KCTD1: variants seen among roughly 807,000 people sequenced by gnomAD.
KCTD1 encodes BTB/POZ domain-containing protein KCTD1.
A neutral mutation model predicts 66.0 loss-of-function variants in KCTD1; 24 were observed. The ratio of observed to expected loss-of-function variants is 0.36; its 90% CI spans 0.26 to 0.51. The LOEUF is 0.51. KCTD1 is among the 20% of genes least tolerant of loss of function. The pLI is 0.95. For synonymous variants in KCTD1, 511 were observed against 517.2 expected, an observed-to-expected ratio of 0.99 and a Z score of 0.16; for missense variants, 943 against 1,205.2, an observed-to-expected ratio of 0.78 and a Z score of 3.22.
chr18:26,642,463 A>T (rs976475104), upstream of KCTD1, among the ~76,000 whole-genome samples: 1 of 152,234 alleles, frequency 6.6e-6, no homozygotes, highest in African/African-American at 2.4e-5. Flanking sequence ...CCTGAGAAAG[A>T]ATAAACCAGC....
At chr18:26,598,757 C>T (rs939929304) in intron 1 of KCTD1, among the ~76,000 whole-genome samples, 4 of 152,134 alleles carry the variant, frequency 2.6e-5, no homozygotes, top group Non-Finnish European at 5.9e-5. Flanking sequence ...TAAGATTGAG[C>T]ATCTTTTTAT....
At chr18:26,513,221 G>A (rs908276268) in intron 1 of KCTD1, among the ~76,000 whole-genome samples, 87 of 151,728 alleles carry the variant, frequency 5.7e-4, no homozygotes, top group Non-Finnish European at 7.1e-4. Context: ...CCGAGTAGCT[G>A]GGACTACAGG....
At chr18:26,464,449 A>C (rs1014472367) in intron 3 of KCTD1, among the ~76,000 whole-genome samples, 8 of 152,254 alleles carry the variant, frequency 5.3e-5, no homozygotes, top group African/African-American at 1.9e-4. Context: ...ACTTAATCAC[A>C]TCTGCAAAGT....
At chr18:26,618,774 C>G (rs983712354) in intron 1 of KCTD1, among the ~76,000 whole-genome samples, 4 of 152,086 alleles carry the variant, frequency 2.6e-5, no homozygotes, top group African/African-American at 9.7e-5. Flanking sequence ...AACTATTTTC[C>G]AAATCAGGGT....
intron 1 of KCTD1, among the ~76,000 whole-genome samples, chr18:26,538,685 T>C (rs1984827034): frequency 6.6e-6 from 1 of 152,186 alleles, no homozygotes; most frequent in East Asian, 1.9e-4. Flanking sequence ...ATAGTGCTCA[T>C]ATTTGAAGCA....
chr18:26,656,471 G>A (rs994170367), intron 1 of KCTD1, among the ~76,000 whole-genome samples: 1 of 152,012 alleles, frequency 6.6e-6, no homozygotes, highest in African/African-American at 2.4e-5. Flanking sequence ...GGCTGGAGAT[G>A]GGAGGGAGTG....
chr18:26,520,475 G>C (rs1983858618), intron 1 of KCTD1, among the ~76,000 whole-genome samples: 1 of 151,668 alleles, frequency 6.6e-6, no homozygotes, highest in South Asian at 2.1e-4. Flanking sequence ...TGCCACTTAA[G>C]CTGAAATTAC....
At chr18:26,587,983 AAGC>A (rs1166392345) in intron 1 of KCTD1, among the ~76,000 whole-genome samples, 1 of 152,260 alleles carries the variant, frequency 6.6e-6, no homozygotes, top group Non-Finnish European at 1.5e-5. Context: ...TTTAGTGACA[AAGC>A]AGCAGCAGGG....
At chr18:26,600,168 A>G (rs1465195730) in intron 1 of KCTD1, 3 of 1,605,262 alleles carry the variant, frequency 1.9e-6, no homozygotes, top group Non-Finnish European at 2.6e-6. Context: ...GCCTTGCCAA[A>G]GAACTGGAAA....
chr18:26,522,848 A>T (rs1983978120), intron 1 of KCTD1, among the ~76,000 whole-genome samples: 1 of 152,176 alleles, frequency 6.6e-6, no homozygotes. Context: ...TGATATAGAA[A>T]CTGAGGCTTA....
intron 1 of KCTD1, among the ~76,000 whole-genome samples, chr18:26,604,239 A>G (rs1172934874): frequency 6.6e-6 from 1 of 152,218 alleles, no homozygotes; most frequent in African/African-American, 2.4e-5. Context: ...CAGAATGGCT[A>G]TTATTAAAAA....
intron 3 of KCTD1, among the ~76,000 whole-genome samples, chr18:26,467,131 AGTTT>A (rs72065655): frequency 0.029 from 4,407 of 149,608 alleles, 206 homozygotes; most frequent in African/African-American, 0.1. Context: ...CATACGGTAT[AGTTT>A]GTTTTTTTTT....
intron 1 of KCTD1, chr18:26,599,556 T>C (rs1986842322): frequency 4.0e-6 from 6 of 1,511,228 alleles, no homozygotes; most frequent in Middle Eastern, 1.7e-4. Flanking sequence ...AACCAGCTGT[T>C]GCAGTCTGCC....
At chr18:26,527,384 T>C (rs1385879872) in intron 1 of KCTD1, among the ~76,000 whole-genome samples, 3 of 149,978 alleles carry the variant, frequency 2.0e-5, no homozygotes, top group Non-Finnish European at 4.4e-5. Flanking sequence ...TTTTGTGTAC[T>C]CAAACCAAAA....
chr18:26,638,208 C>T lies in KCTD1; in HGVS notation c.-107+2103G>A, dbSNP rs556513290. ...TCTTTCATTTATCCAGAAACTCCCA[C>T]GCTTCACAGTTCAATGTCAAATCAG... On this transcript the variant is annotated intron_variant, in intron 1 of 5. Transcript: ENST00000579973. Among the ~76,000 whole-genome samples the T allele has an allele frequency of 3.5e-4, 54 of 152,326 alleles. No individual in the cohort carries two copies. In the South Asian group the frequency reaches 3.9e-3, roughly 11 times the overall value.
At chr18:26,517,842 T>G (rs967445551) in intron 1 of KCTD1, among the ~76,000 whole-genome samples, 19 of 152,220 alleles carry the variant, frequency 1.2e-4, no homozygotes, top group Admixed American at 2.6e-4. Context: ...TATGTCTTTA[T>G]CAGCAGCGTG....
upstream of KCTD1, among the ~76,000 whole-genome samples, chr18:26,643,430 C>A (rs1249954884): frequency 6.6e-6 from 1 of 151,916 alleles, no homozygotes; most frequent in Non-Finnish European, 1.5e-5. Flanking sequence ...CAGGAAGGGG[C>A]CAATGGAGAC....
chr18:26,504,126 G>A (rs183617781), intron 1 of KCTD1, among the ~76,000 whole-genome samples: 1 of 152,012 alleles, frequency 6.6e-6, no homozygotes. Flanking sequence ...GAGTGCAGTG[G>A]TGTGATCAAA....
intron 1 of KCTD1, chr18:26,591,420 A>C (rs556496568): frequency 6.6e-6 from 1 of 152,008 alleles, no homozygotes; most frequent in South Asian, 2.1e-4. Context: ...ACTGAGATAC[A>C]AGATAAAGCA....
Sources: gnomAD v4.1 joint callset for allele counts (sites outside exome capture counted in the v4.1 genomes callset) on GRCh38, gnomAD v4.1.1 for gene constraint, MANE v1.5 for transcripts, NCBI Gene and HGNC (gene_info 2026-07-23, HGNC 2026-07-21) for gene names.